ANKRD44: variants seen among roughly 807,000 people sequenced by gnomAD.
ANKRD44 encodes serine/threonine-protein phosphatase 6 regulatory ankyrin repeat subunit B.
A neutral mutation model predicts 116.0 loss-of-function variants in ANKRD44; 35 were observed. The ratio of observed to expected loss-of-function variants is 0.30; its 90% confidence interval spans 0.23 to 0.40. The LOEUF (loss-of-function observed/expected upper bound fraction) is 0.40, where lower values mean the gene tolerates loss of function less well. Among genes scored for constraint, ANKRD44 ranks in the 10% least tolerant of loss-of-function variants. The probability of loss-of-function intolerance (pLI) is 1.00; values close to 1 mark genes in which losing one functional copy is unlikely to be tolerated. For synonymous variants in ANKRD44, 435 were observed against 461.8 expected, an observed-to-expected ratio of 0.94 and a Z score of 0.74; for missense variants, 1,014 against 1,242.6, an observed-to-expected ratio of 0.82 and a Z score of 2.77.
intron 2 of ANKRD44, among the ~76,000 whole-genome samples, chr2:197,156,092 A>G (rs979277778): frequency 3.3e-5 from 5 of 152,212 alleles, no homozygotes; most frequent in African/African-American, 1.2e-4. Flanking sequence ...CACACCTGTA[A>G]TCCCATCACT....
At chr2:196,998,235 A>T in intron 25 of ANKRD44, 102 bp downstream of exon 25, 2 of 853,626 alleles carry the variant, frequency 2.3e-6, no homozygotes, top group Non-Finnish European at 3.6e-6. Context: ...TGTACATCTT[A>T]ATTAAGAGCC....
At chr2:197,072,087 GAAGGAAGGAAGGAA>G (rs1230866061) in intron 16 of ANKRD44, among the ~76,000 whole-genome samples, 12 of 147,280 alleles carry the variant, frequency 8.1e-5, no homozygotes, top group African/African-American at 3.1e-4. Context: ...AGGAAGGAAG[GAAGGAAGGAAGGAA>G]AAGGAAGAAA....
intron 11 of ANKRD44, 31 bp from the exon 12 acceptor site, chr2:197,088,805 A>G: frequency 3.1e-6 from 5 of 1,611,458 alleles, no homozygotes; most frequent in Non-Finnish European, 4.2e-6. Flanking sequence ...TTACTAAACA[A>G]GGATACTATG....
intron 25 of ANKRD44, 78 bp from the exon 26 acceptor site, chr2:196,995,539 TA>T: frequency 9.0e-7 from 1 of 1,105,138 alleles, no homozygotes; most frequent in Non-Finnish European, 1.3e-6. Flanking sequence ...CATTATGATT[TA>T]AATTGAAAAT....
chr2:197,067,567 T>A (rs2077461226), intron 16 of ANKRD44, among the ~76,000 whole-genome samples: 1 of 132,910 alleles, frequency 7.5e-6, no homozygotes, highest in African/African-American at 2.8e-5. Flanking sequence ...AACAGACACT[T>A]CTCAAAAGAA....
chr2:197,296,485 A>C (rs1347605257), intron 1 of ANKRD44: 2 of 152,218 alleles, frequency 1.3e-5, no homozygotes, highest in Non-Finnish European at 1.5e-5. Flanking sequence ...ACAGCAGGTG[A>C]CCAATTAAGC....
chr2:197,021,796 T>C (rs1362934691), intron 17 of ANKRD44, among the ~76,000 whole-genome samples: 1 of 152,210 alleles, frequency 6.6e-6, no homozygotes, highest in African/African-American at 2.4e-5. Flanking sequence ...GAAAGACAAC[T>C]TTTTATAAAC....
intron 21 of ANKRD44, among the ~76,000 whole-genome samples, chr2:197,002,357 G>A (rs1384848402): frequency 3.3e-5 from 5 of 152,120 alleles, no homozygotes; most frequent in Non-Finnish European, 5.9e-5. Context: ...CACATCATGG[G>A]CATTCAGTAA....
chr2:197,065,075 T>C (rs994044677), intron 16 of ANKRD44, among the ~76,000 whole-genome samples: 1 of 152,148 alleles, frequency 6.6e-6, no homozygotes, highest in African/African-American at 2.4e-5. Flanking sequence ...TCAGCAAATG[T>C]AAAAGAACAG....
intron 6 of ANKRD44, among the ~76,000 whole-genome samples, chr2:197,124,918 G>A (rs1224800839): frequency 6.6e-6 from 1 of 152,152 alleles, no homozygotes; most frequent in Admixed American, 6.5e-5. Context: ...AATCACCAGC[G>A]CCTCTGGTGC....
At chr2:196,977,147 C>A (rs2075766736) in intron 21 of ANKRD44, among the ~76,000 whole-genome samples, 2 of 152,086 alleles carry the variant, frequency 1.3e-5, no homozygotes, top group South Asian at 4.1e-4. Flanking sequence ...ATACTGAAAA[C>A]TAGAAAGCAC....
At chr2:197,067,116 C>T (rs927647364) in intron 16 of ANKRD44, among the ~76,000 whole-genome samples, 2 of 152,144 alleles carry the variant, frequency 1.3e-5, no homozygotes, top group African/African-American at 4.8e-5. Flanking sequence ...ACAGAGCCCT[C>T]AGAAATAATA....
Position 197,189,644 on chromosome 2 carries a change from T to C in ANKRD44, c.28-2538A>G, listed in dbSNP as rs185429431. Among the ~76,000 whole-genome samples, 364 of 152,366 alleles carry C rather than the reference T, an allele frequency of 2.4e-3. 3 individuals carry two copies. The highest frequency in any genetic ancestry group is 7.2e-3 in the African/African-American group (300 of 41,588). ...TGCTGTGCTCATGGCCAAATGCTCA[T>C]GTGTGCATTTCTGCCTTTTTGGACC... On this transcript the variant is annotated intron_variant, in intron 1 of 27. Coordinates refer to ENST00000282272, the MANE Select transcript of ANKRD44 (RefSeq NM_001195144.2).
chr2:196,967,334 G>A (rs2075680640), exon 22 of ANKRD44: 1 of 447,816 alleles, frequency 2.2e-6, no homozygotes, highest in South Asian at 1.6e-5. Flanking sequence ...CCTGCAGAGT[G>A]TAACCCTTTG....
chr2:197,266,221 A>G (rs899670423), intron 1 of ANKRD44, among the ~76,000 whole-genome samples: 1 of 152,218 alleles, frequency 6.6e-6, no homozygotes, highest in Non-Finnish European at 1.5e-5. Context: ...TTCGCCACCA[A>G]GAACCATCAT....
intron 16 of ANKRD44, among the ~76,000 whole-genome samples, chr2:197,030,844 T>C (rs924199140): frequency 6.6e-6 from 1 of 152,138 alleles, no homozygotes; most frequent in East Asian, 1.9e-4. Context: ...TTTTTACTTA[T>C]TATTTTTATT....
chr2:197,266,845 T>C (rs1218030423), intron 1 of ANKRD44, among the ~76,000 whole-genome samples: 1 of 152,078 alleles, frequency 6.6e-6, no homozygotes, highest in African/African-American at 2.4e-5. Context: ...TTCCATTTAA[T>C]CTTCTATTCA....
chr2:197,276,275 CAAAAAAA>C (rs11351342), intron 1 of ANKRD44, among the ~76,000 whole-genome samples: 3 of 108,062 alleles, frequency 2.8e-5, no homozygotes, highest in Non-Finnish European at 5.4e-5. Flanking sequence ...AACTTGGTCT[CAAAAAAA>C]AAAAAAAAAA....
chr2:197,083,596 G>A (rs1211902833), intron 13 of ANKRD44, 87 bp from the exon 14 acceptor site: 2 of 1,453,964 alleles, frequency 1.4e-6, no homozygotes, highest in Non-Finnish European at 1.9e-6. Flanking sequence ...GTATGCCTAG[G>A]GCATGGAAAG....
Sources: allele counts gnomAD v4.1 joint callset (sites outside exome capture counted in the v4.1 genomes callset), GRCh38; gene constraint gnomAD v4.1.1; transcripts MANE v1.5; gene names NCBI Gene and HGNC (gene_info 2026-07-23, HGNC 2026-07-21).